KCNH1: variants seen among roughly 807,000 people sequenced by gnomAD.
KCNH1 encodes the protein voltage-gated delayed rectifier potassium channel KCNH1.
Under a neutral mutation model 69.2 loss-of-function variants are expected in KCNH1, and 27 were observed. The observed-to-expected ratio is 0.39, with a 90% CI of 0.29 to 0.54. The LOEUF is 0.54. Among genes scored for constraint, KCNH1 ranks in the 20% least tolerant of loss-of-function variants. KCNH1 has a pLI of 0.68. For missense variants in KCNH1, 798 were observed against 1,261.6 expected, an observed-to-expected ratio of 0.63 and a Z score of 5.57; for synonymous variants, 456 against 487.7, an observed-to-expected ratio of 0.93 and a Z score of 0.86.
intron 6 of KCNH1, among the ~76,000 whole-genome samples, chr1:211,010,332 C>T (rs761755176): frequency 4.6e-5 from 7 of 152,102 alleles, no homozygotes; most frequent in African/African-American, 9.7e-5. Context: ...AACTCATTCT[C>T]ACCACTGCTT....
chr1:210,775,419 G>A lies in KCNH1; in HGVS notation c.2041C>T (p.Leu681=). 1 of 1,614,128 alleles carries A rather than the reference G, an allele frequency of 6.2e-7. No homozygotes were observed. Among genetic ancestry groups the A allele is most frequent in the Middle Eastern group, 1.6e-4 (1 of 6,062 alleles). ...TGGGAGAAGGCCGTGTAGAATTCCA[G>A]CACTTTCTGCAGGGCATCCCGCTTG... The part of the protein sequence containing the change: ...VIKRDALQKV[L]EFYTAFSHSF... Residue 681 remains leucine, a synonymous_variant, in exon 10 of 11, where the codon CTG becomes TTG. Transcript: ENST00000271751.
intron 6 of KCNH1, among the ~76,000 whole-genome samples, chr1:211,012,707 T>C (rs1020601364): frequency 3.9e-5 from 6 of 152,190 alleles, no homozygotes; most frequent in African/African-American, 1.4e-4. Flanking sequence ...TATGCATCAT[T>C]ACACACTTGT....
At chr1:210,971,742 T>C (rs1372147442) in intron 6 of KCNH1, among the ~76,000 whole-genome samples, 1 of 152,132 alleles carries the variant, frequency 6.6e-6, no homozygotes, top group Non-Finnish European at 1.5e-5. Context: ...GAATGAGTTG[T>C]TCAATATTTG....
chr1:210,825,994 GT>G (rs1685024930), intron 7 of KCNH1, among the ~76,000 whole-genome samples: 1 of 152,050 alleles, frequency 6.6e-6, no homozygotes, highest in African/African-American at 2.4e-5. Flanking sequence ...ACTTTTTTCT[GT>G]TTGTTCTAAA....
chr1:211,000,670 T>A (rs1004711096), intron 6 of KCNH1, among the ~76,000 whole-genome samples: 19 of 152,124 alleles, frequency 1.2e-4, no homozygotes, highest in Admixed American at 1.0e-3. Flanking sequence ...TACTTTAAAG[T>A]TGATATGGAA....
In KCNH1 at chr1:211,081,578, A is replaced by C. The variant is rs540537424; in HGVS notation, c.558+1202T>G. Reference sequence around the variant, plus strand: ...GAACTTGGAACTGACCCAAATGTCCATCAATGATAGGCTGGATTAAGAAAA... The same window carrying C: ...GAACTTGGAACTGACCCAAATGTCCCTCAATGATAGGCTGGATTAAGAAAA... On this transcript the variant is annotated intron_variant, in intron 5 of 10. Coordinates refer to ENST00000271751, the MANE Select transcript of KCNH1 (RefSeq NM_172362.3). Among the ~76,000 whole-genome samples, 19 of 152,380 alleles carry C rather than the reference A, an allele frequency of 1.2e-4. 1 individual carries two copies. In the South Asian group the frequency reaches 3.7e-3, roughly 30 times the overall value.
intron 1 of KCNH1, among the ~76,000 whole-genome samples, chr1:211,120,801 A>G (rs1691671236): frequency 6.6e-6 from 1 of 152,164 alleles, no homozygotes; most frequent in South Asian, 2.1e-4. Context: ...TCAGCCCAAA[A>G]ACTTCTTGAA....
At position 210,796,700 on chromosome 1, in the gene KCNH1, C is replaced by A. The variant is rs530581431; in HGVS notation, c.1915+808G>T. On this transcript the variant is annotated intron_variant, in intron 9 of 10. Coordinates refer to ENST00000271751, the MANE Select transcript of KCNH1 (RefSeq NM_172362.3). Reference sequence around the variant, plus strand: ...CTGTCATTGGGTTGCAGTGATTCTACTTCTTGACTATCTCAACTCCATCTG... The same window carrying A: ...CTGTCATTGGGTTGCAGTGATTCTAATTCTTGACTATCTCAACTCCATCTG... 2.0e-5 allele frequency among the ~76,000 whole-genome samples: 3 copies of A among 152,226 alleles called. No homozygotes were observed. In the South Asian group the frequency reaches 6.2e-4, roughly 32 times the overall value.
rs57669878 is a variant in KCNH1, at chr1:210,738,552, C to CTTTTTTTTTTTTTTTTTTTTTTTTTTT, written c.2112+36769_2112+36795dup. Among the ~76,000 whole-genome samples the CTTTTTTTTTTTTTTTTTTTTTTTTTTT allele has an allele frequency of 6.1e-5, 3 of 49,152 alleles. 1 individual carries two copies. Among genetic ancestry groups the CTTTTTTTTTTTTTTTTTTTTTTTTTTT allele is most frequent in the East Asian group, 6.2e-4 (1 of 1,616 alleles). 32.2% of individuals were successfully genotyped at this position (49,152 alleles called of 152,430 possible). ...CTGTATTCCTGGCTTGGCTTTTTTG[C>CTTTTTTTTTTTTTTTTTTTTTTTTTTT]TTTTTTTTTTTTTTTTTTTTTTTTT... On this transcript the variant is annotated intron_variant, in intron 10 of 10. Transcript: ENST00000271751.
intron 6 of KCNH1, among the ~76,000 whole-genome samples, chr1:210,950,676 A>G (rs1688048461): frequency 2.0e-5 from 3 of 152,174 alleles, no homozygotes; most frequent in Admixed American, 2.0e-4. Flanking sequence ...TCTTAAAGAC[A>G]GGCCCTCAAC....
intron 5 of KCNH1, among the ~76,000 whole-genome samples, chr1:211,062,365 A>G (rs1690447196): frequency 6.6e-6 from 1 of 152,152 alleles, no homozygotes; most frequent in African/African-American, 2.4e-5. Flanking sequence ...GAAACCACTA[A>G]AAGAAACATT....
At chr1:211,040,452 G>T (rs550287717) in intron 5 of KCNH1, among the ~76,000 whole-genome samples, 2 of 152,194 alleles carry the variant, frequency 1.3e-5, no homozygotes, top group South Asian at 4.2e-4. Context: ...TTTATTAGGG[G>T]TTTCCACTTT....
intron 6 of KCNH1, among the ~76,000 whole-genome samples, chr1:210,934,205 A>C (rs1687732173): frequency 6.6e-6 from 1 of 152,248 alleles, no homozygotes; most frequent in Non-Finnish European, 1.5e-5. Flanking sequence ...AAAACTGCAA[A>C]GCTTCTGTAA....
chr1:210,783,622 G>A (rs1311877082), intron 9 of KCNH1, among the ~76,000 whole-genome samples: 1 of 152,106 alleles, frequency 6.6e-6, no homozygotes, highest in East Asian at 1.9e-4. Context: ...CTTCCTCCTG[G>A]CAGGAATAAG....
chr1:210,948,006 G>C (rs772783718), intron 6 of KCNH1, among the ~76,000 whole-genome samples: 64 of 150,460 alleles, frequency 4.3e-4, no homozygotes, highest in Admixed American at 8.0e-4. Flanking sequence ...TCAGGAGTTT[G>C]AGACCAGCCT....
intron 6 of KCNH1, among the ~76,000 whole-genome samples, chr1:210,944,012 A>G (rs1687916946): frequency 6.6e-6 from 1 of 152,178 alleles, no homozygotes; most frequent in Non-Finnish European, 1.5e-5. Context: ...TGGCTCAGAA[A>G]TAAAACAAAG....
At chr1:210,816,555 G>C (rs1684819877) in intron 7 of KCNH1, among the ~76,000 whole-genome samples, 1 of 152,206 alleles carries the variant, frequency 6.6e-6, no homozygotes, top group Admixed American at 6.5e-5. Flanking sequence ...TGAGCTCGCT[G>C]AGTTCTTGAT....
intron 10 of KCNH1, among the ~76,000 whole-genome samples, chr1:210,768,978 C>G (rs1683696019): frequency 6.6e-6 from 1 of 152,146 alleles, no homozygotes; most frequent in Non-Finnish European, 1.5e-5. Context: ...GAATTATGGT[C>G]ATGTCACTCA....
intron 10 of KCNH1, among the ~76,000 whole-genome samples, chr1:210,723,180 T>C (rs1384643959): frequency 6.6e-6 from 1 of 152,170 alleles, no homozygotes; most frequent in African/African-American, 2.4e-5. Context: ...TCGTGGTCTC[T>C]CAAATTCCTT....
Sources: gnomAD v4.1 joint callset for allele counts (sites outside exome capture counted in the v4.1 genomes callset) on GRCh38, gnomAD v4.1.1 for gene constraint, MANE v1.5 for transcripts, NCBI Gene and HGNC (gene_info 2026-07-23, HGNC 2026-07-21) for gene names.